The following NRG3 variants were observed in gnomAD, a reference collection of about 807,000 sequenced individuals.
NRG3 encodes pro-neuregulin-3, membrane-bound isoform.
In NRG3, 31 loss-of-function variants were observed where a neutral mutation model predicts 66.9. The observed-to-expected ratio is 0.46, with a 90% CI of 0.35 to 0.63. The LOEUF (loss-of-function observed/expected upper bound fraction) is 0.63, where lower values mean the gene tolerates loss of function less well. Among genes scored for constraint, NRG3 ranks in the 20% least tolerant of loss-of-function variants. The pLI is 0.00. For missense variants in NRG3, 910 were observed against 878.9 expected (o/e 1.04, Z -0.45); for synonymous variants, 393 against 359.4 (o/e 1.09, Z -1.06).
chr10:82,635,216 T>C (rs2050106823), intron 2 of NRG3, among the ~76,000 whole-genome samples: 1 of 152,118 alleles, frequency 6.6e-6, no homozygotes, highest in Non-Finnish European at 1.5e-5. Flanking sequence ...TTGATCTTCT[T>C]TCATCTTCTT....
chr10:82,182,457 T>G (rs577470577), intron 1 of NRG3, among the ~76,000 whole-genome samples: 1 of 151,840 alleles, frequency 6.6e-6, no homozygotes, highest in Admixed American at 6.6e-5. Context: ...TATTATAGCT[T>G]TAATAGTCTA....
chr10:81,974,565 G>C (rs957519643), intron 1 of NRG3, among the ~76,000 whole-genome samples: 2 of 152,158 alleles, frequency 1.3e-5, no homozygotes, highest in African/African-American at 4.8e-5. Context: ...GGTGGTCCAA[G>C]ACATGGGGAA....
intron 1 of NRG3, among the ~76,000 whole-genome samples, chr10:82,331,724 G>T (rs1181567898): frequency 6.6e-6 from 1 of 152,078 alleles, no homozygotes; most frequent in African/African-American, 2.4e-5. Context: ...AAGCTGGTTT[G>T]ACCATGCAAC....
intron 2 of NRG3, among the ~76,000 whole-genome samples, chr10:82,360,257 A>G (rs935366228): frequency 6.6e-6 from 1 of 152,210 alleles, no homozygotes; most frequent in Non-Finnish European, 1.5e-5. Flanking sequence ...TACAAAGCAC[A>G]CAAGTGACAT....
intron 3 of NRG3, among the ~76,000 whole-genome samples, chr10:82,852,749 A>C (rs77456624): frequency 0.011 from 1,709 of 152,306 alleles, 26 homozygotes; most frequent in African/African-American, 0.039. Flanking sequence ...TGCAGACCAC[A>C]TCGAAAAGGT....
At chr10:82,404,629 T>C (rs2087363965) in intron 2 of NRG3, among the ~76,000 whole-genome samples, 1 of 152,226 alleles carries the variant, frequency 6.6e-6, no homozygotes, top group Non-Finnish European at 1.5e-5. Context: ...ACATAAAAGC[T>C]TTCCTAAGTT....
At position 82,243,515 on chromosome 10, in the gene NRG3, C is replaced by A. The variant is rs1320237340; in HGVS notation, c.824-115224C>A. On this transcript the variant is annotated intron_variant, in intron 1 of 8. Transcript: ENST00000372141. ...AGAGTTAAAGAAAAAAATTTAAGGT[C>A]TTTAGAAATAAAAATTAAGTCAAAT... is the stretch of plus-strand genomic sequence containing the variant. Among the ~76,000 whole-genome samples the A allele has an allele frequency of 2.0e-5, 3 of 152,000 alleles. No homozygotes were observed. The East Asian group carries it at 5.8e-4, about 29-fold the overall frequency.
chr10:82,370,163 T>C (rs1199082090), intron 2 of NRG3, among the ~76,000 whole-genome samples: 1 of 139,116 alleles, frequency 7.2e-6, no homozygotes, highest in Non-Finnish European at 1.5e-5. Context: ...CAGCCTTCTG[T>C]ATCCCAAGCT....
intron 6 of NRG3, among the ~76,000 whole-genome samples, chr10:82,959,532 T>TG (rs1443306456): frequency 6.6e-6 from 1 of 151,984 alleles, no homozygotes; most frequent in East Asian, 1.9e-4. Context: ...GGGAGGTGGA[T>TG]GGGGGTAGAC....
chr10:82,258,794 C>A (rs1326760173), intron 1 of NRG3, among the ~76,000 whole-genome samples: 1 of 152,126 alleles, frequency 6.6e-6, no homozygotes, highest in Non-Finnish European at 1.5e-5. Flanking sequence ...GTGTGAAATG[C>A]CAGTCTTATG....
intron 3 of NRG3, among the ~76,000 whole-genome samples, chr10:82,764,701 A>G (rs776124420): frequency 2.4e-4 from 36 of 152,296 alleles, no homozygotes; most frequent in Non-Finnish European, 4.3e-4. Context: ...TTTAAAAAAG[A>G]TAATATGATA....
At chr10:81,936,794 G>T (rs934478922) in intron 1 of NRG3, among the ~76,000 whole-genome samples, 1 of 152,038 alleles carries the variant, frequency 6.6e-6, no homozygotes, top group Non-Finnish European at 1.5e-5. Context: ...TGAGGGTAGG[G>T]TCCAAAAGAT....
At chr10:82,889,902 T>G (rs1843002012) in intron 4 of NRG3, among the ~76,000 whole-genome samples, 1 of 152,168 alleles carries the variant, frequency 6.6e-6, no homozygotes, top group South Asian at 2.1e-4. Context: ...CATCTTCAAC[T>G]GAAACAGCCT....
intron 4 of NRG3, among the ~76,000 whole-genome samples, chr10:82,933,228 A>T (rs1406335294): frequency 6.6e-6 from 1 of 151,808 alleles, no homozygotes; most frequent in Non-Finnish European, 1.5e-5. Context: ...AGTGAGTAGG[A>T]CTGTGGCTTT....
At chr10:82,246,444 A>G (rs1475491854) in intron 1 of NRG3, among the ~76,000 whole-genome samples, 1 of 152,184 alleles carries the variant, frequency 6.6e-6, no homozygotes, top group Admixed American at 6.5e-5. Flanking sequence ...CTGGATAACT[A>G]TTTACTAGAG....
chr10:82,099,913 G>T (rs954588553), intron 1 of NRG3, among the ~76,000 whole-genome samples: 12 of 151,846 alleles, frequency 7.9e-5, no homozygotes, highest in Non-Finnish European at 1.5e-4. Context: ...GAGCCCAGGA[G>T]TTCAAGTATG....
chr10:82,800,826 C>T (rs1240815785), intron 3 of NRG3, among the ~76,000 whole-genome samples: 5 of 152,090 alleles, frequency 3.3e-5, no homozygotes, highest in Admixed American at 2.6e-4. Flanking sequence ...CTTAAGGTGA[C>T]CTGAGCAGAA....
At chr10:82,524,401 C>T (rs905512527) in intron 2 of NRG3, among the ~76,000 whole-genome samples, 9 of 151,758 alleles carry the variant, frequency 5.9e-5, no homozygotes, top group African/African-American at 1.9e-4. Flanking sequence ...AATTGTTTTC[C>T]TTATTCAGTA....
chr10:82,570,278 G>A (rs2133105842), intron 2 of NRG3, among the ~76,000 whole-genome samples: 1 of 151,804 alleles, frequency 6.6e-6, no homozygotes, highest in Middle Eastern at 3.4e-3. Context: ...CACATGCAAT[G>A]TGTTGGCATC....
Sources: gnomAD v4.1 joint callset for allele counts (sites outside exome capture counted in the v4.1 genomes callset) on GRCh38, gnomAD v4.1.1 for gene constraint, MANE v1.5 for transcripts, NCBI Gene and HGNC (gene_info 2026-07-23, HGNC 2026-07-21) for gene names.